The following TENM3 variants were observed in gnomAD, a reference collection of about 807,000 sequenced individuals.
TENM3 encodes the protein teneurin transmembrane protein 3.
In TENM3, 63 loss-of-function variants were observed where a neutral mutation model predicts 255.1. The observed-to-expected ratio is 0.25, with a 90% CI of 0.20 to 0.30. The LOEUF (loss-of-function observed/expected upper bound fraction) is 0.30, where lower values mean the gene tolerates loss of function less well. Ranked by LOEUF, TENM3 falls within the 10% of genes least tolerant of loss-of-function variation. The pLI, the probability that TENM3 is intolerant of heterozygous loss-of-function variation, is 1.00. For synonymous variants in TENM3, 1,306 were observed against 1,322.3 expected, an observed-to-expected ratio of 0.99 and a Z score of 0.27; for missense variants, 2,929 against 3,461.1, an observed-to-expected ratio of 0.85 and a Z score of 3.86.
At chr4:182,286,155 C>T (rs183461291) in intron 1 of TENM3, among the ~76,000 whole-genome samples, 4 of 152,300 alleles carry the variant, frequency 2.6e-5, no homozygotes, top group Admixed American at 2.0e-4. Flanking sequence ...CTGGGTATTG[C>T]CAAGGGTATG....
intron 3 of TENM3, among the ~76,000 whole-genome samples, chr4:182,484,014 C>G (rs1734455382): frequency 1.3e-5 from 2 of 152,118 alleles, no homozygotes; most frequent in African/African-American, 2.4e-5. Context: ...GGACACAAAC[C>G]CGAACCACAT....
the TENM3 span, among the ~76,000 whole-genome samples, chr4:181,885,372 C>A: frequency 2.0e-5 from 3 of 152,190 alleles, no homozygotes; most frequent in African/African-American, 7.2e-5. Context: ...AAGTGATTCT[C>A]CTGCCTCAGC....
the TENM3 span, among the ~76,000 whole-genome samples, chr4:181,805,267 C>T: frequency 6.6e-6 from 1 of 152,074 alleles, no homozygotes; most frequent in Non-Finnish European, 1.5e-5. Context: ...GTTACCACCA[C>T]TCCACCCGCT....
chr4:181,571,732 C>T, the TENM3 span, among the ~76,000 whole-genome samples: 1 of 152,220 alleles, frequency 6.6e-6, no homozygotes, highest in East Asian at 1.9e-4. Context: ...ATAATTAAAA[C>T]AATAAAATCA....
intron 1 of TENM3, among the ~76,000 whole-genome samples, chr4:182,261,867 C>T (rs1046620987): frequency 5.3e-5 from 8 of 152,362 alleles, no homozygotes; most frequent in South Asian, 2.1e-4. Context: ...CACACACCTC[C>T]AGGTCACTGT....
At chr4:181,755,215 C>G in the TENM3 span, among the ~76,000 whole-genome samples, 1 of 152,166 alleles carries the variant, frequency 6.6e-6, no homozygotes, top group African/African-American at 2.4e-5. Flanking sequence ...GCCTCCTAAT[C>G]TTGTATCCAA....
At chr4:182,348,501 A>T (rs992821853) in intron 3 of TENM3, among the ~76,000 whole-genome samples, 2 of 152,292 alleles carry the variant, frequency 1.3e-5, no homozygotes, top group East Asian at 3.9e-4. Flanking sequence ...AAAATACACA[A>T]TAAAATCTTT....
the TENM3 span, among the ~76,000 whole-genome samples, chr4:182,038,372 ATTCTT>A: frequency 4.6e-5 from 7 of 152,246 alleles, no homozygotes; most frequent in Non-Finnish European, 1.0e-4. Flanking sequence ...ATGTATTAGT[ATTCTT>A]TTAAGTGCTT....
upstream of TENM3, among the ~76,000 whole-genome samples, chr4:182,242,022 C>CTTT (rs1193342141): frequency 2.6e-5 from 3 of 117,164 alleles, no homozygotes; most frequent in Admixed American, 1.6e-4. Flanking sequence ...TTTCCTCTCT[C>CTTT]TTTTTTTTTT....
the TENM3 span, among the ~76,000 whole-genome samples, chr4:181,653,007 G>A: frequency 6.6e-6 from 1 of 152,108 alleles, no homozygotes; most frequent in Non-Finnish European, 1.5e-5. Flanking sequence ...AAATGATTTA[G>A]CATACAGCAC....
intron 6 of TENM3, among the ~76,000 whole-genome samples, chr4:182,659,572 G>A (rs1754045657): frequency 6.6e-6 from 1 of 152,112 alleles, no homozygotes; most frequent in African/African-American, 2.4e-5. Flanking sequence ...CTTCATCACT[G>A]GTCCAGGAGG....
chr4:181,546,675 C>G, the TENM3 span, among the ~76,000 whole-genome samples: 1 of 141,134 alleles, frequency 7.1e-6, no homozygotes, highest in Non-Finnish European at 1.5e-5. Flanking sequence ...GATCGCGCCA[C>G]TGCACTCCAG....
chr4:181,876,186 A>G, the TENM3 span, among the ~76,000 whole-genome samples: 14 of 152,352 alleles, frequency 9.2e-5, no homozygotes, highest in African/African-American at 3.4e-4. Flanking sequence ...TTCAATGACC[A>G]AGTTATATAT....
chr4:182,505,085 G>A (rs1251061396), intron 3 of TENM3, among the ~76,000 whole-genome samples: 1 of 152,064 alleles, frequency 6.6e-6, no homozygotes, highest in Non-Finnish European at 1.5e-5. Context: ...CCATAAATTT[G>A]TATCAGTATA....
intron 3 of TENM3, among the ~76,000 whole-genome samples, chr4:182,590,530 C>A (rs1259965953): frequency 8.3e-6 from 1 of 120,166 alleles, no homozygotes; most frequent in East Asian, 2.7e-4. Context: ...TAGAGCGAGA[C>A]CCTGTCTCAA....
the TENM3 span, among the ~76,000 whole-genome samples, chr4:181,921,745 G>A: frequency 6.6e-6 from 1 of 152,048 alleles, no homozygotes; most frequent in South Asian, 2.1e-4. Context: ...CTGACTAATT[G>A]CCCTGGCCAG....
chr4:182,727,242 G>A (rs953555306), intron 13 of TENM3, among the ~76,000 whole-genome samples: 1 of 152,062 alleles, frequency 6.6e-6, no homozygotes, highest in Admixed American at 6.5e-5. Context: ...GATCACTTGA[G>A]GTCTGGAGTT....
intron 3 of TENM3, among the ~76,000 whole-genome samples, chr4:182,431,482 A>G (rs1365265414): frequency 6.6e-6 from 1 of 152,058 alleles, no homozygotes; most frequent in Non-Finnish European, 1.5e-5. Flanking sequence ...ACAAAGCGAG[A>G]CTCCCTCTCA....
chr4:182,717,611 G>C (rs1351348056), intron 13 of TENM3, among the ~76,000 whole-genome samples: 1 of 152,186 alleles, frequency 6.6e-6, no homozygotes, highest in Non-Finnish European at 1.5e-5. Context: ...TGGATTACTA[G>C]ATTCTTAAAT....
Sources: gnomAD v4.1 joint callset for allele counts (sites outside exome capture counted in the v4.1 genomes callset) on GRCh38, gnomAD v4.1.1 for gene constraint, MANE v1.5 for transcripts, NCBI Gene and HGNC (gene_info 2026-07-23, HGNC 2026-07-21) for gene names.